The following SOX5 variants were observed in gnomAD, a reference collection of about 807,000 sequenced individuals.
SOX5 encodes transcription factor SOX-5.
A neutral mutation model predicts 92.0 loss-of-function variants in SOX5; 9 were observed. The observed-to-expected ratio is 0.10, with a 90% confidence interval of 0.06 to 0.17. SOX5 has a LOEUF of 0.17. Ranked by LOEUF, SOX5 falls within the 10% of genes least tolerant of loss-of-function variation. SOX5 has a pLI of 1.00. For synonymous variants in SOX5, 344 were observed against 336.3 expected (o/e 1.02, Z -0.25); for missense variants, 642 against 944.5 (o/e 0.68, Z 4.20).
intron 1 of SOX5, among the ~76,000 whole-genome samples, chr12:24,512,262 A>G (rs1266162287): frequency 1.3e-5 from 2 of 152,188 alleles, no homozygotes; most frequent in Admixed American, 6.5e-5. Context: ...AGCTGTCCTA[A>G]AACACGGATA....
intron 2 of SOX5, among the ~76,000 whole-genome samples, chr12:23,867,369 C>T (rs554864418): frequency 1.3e-5 from 2 of 152,106 alleles, no homozygotes; most frequent in Non-Finnish European, 2.9e-5. Flanking sequence ...TTCCCAGTCA[C>T]ACAAGATTTA....
intron 3 of SOX5, among the ~76,000 whole-genome samples, chr12:23,768,204 G>A (rs74069198): frequency 0.045 from 6,904 of 152,152 alleles, 417 homozygotes; most frequent in African/African-American, 0.14. Flanking sequence ...GGATGGATGC[G>A]TCCAATAAAA....
intron 4 of SOX5, among the ~76,000 whole-genome samples, chr12:24,175,360 A>C (rs1954687660): frequency 6.6e-6 from 1 of 152,236 alleles, no homozygotes; most frequent in African/African-American, 2.4e-5. Flanking sequence ...ATACCAAAAA[A>C]GTACGATGGA....
intron 1 of SOX5, among the ~76,000 whole-genome samples, chr12:23,912,591 T>G (rs2097363309): frequency 6.6e-6 from 1 of 152,052 alleles, no homozygotes; most frequent in East Asian, 1.9e-4. Flanking sequence ...AGGCCAAGAA[T>G]CTGTTAAATG....
intron 1 of SOX5, among the ~76,000 whole-genome samples, chr12:24,479,665 A>AT (rs56355919): frequency 0.013 from 1,937 of 149,934 alleles, 42 homozygotes; most frequent in African/African-American, 0.043. Context: ...GTATTTATTC[A>AT]TTTTTTTTTT....
At chr12:24,550,328 T>C (rs947754705) in intron 1 of SOX5, among the ~76,000 whole-genome samples, 2 of 152,166 alleles carry the variant, frequency 1.3e-5, no homozygotes, top group Admixed American at 6.5e-5. Flanking sequence ...CATAAGAAGA[T>C]AGCCACCTAT....
intron 2 of SOX5, among the ~76,000 whole-genome samples, chr12:23,858,069 ATGTGTG>A (rs10553341): frequency 3.3e-5 from 5 of 150,532 alleles, no homozygotes; most frequent in African/African-American, 9.8e-5. Flanking sequence ...ATATGCCTGT[ATGTGTG>A]TGTGTGTGTG....
At chr12:23,975,974 A>G (rs1233229702) in intron 4 of SOX5, among the ~76,000 whole-genome samples, 1 of 152,168 alleles carries the variant, frequency 6.6e-6, no homozygotes, top group Non-Finnish European at 1.5e-5. Context: ...CATATAGTCA[A>G]TATAATTCAT....
chr12:24,184,144 TTAGA>T (rs780693095), intron 4 of SOX5, among the ~76,000 whole-genome samples: 1 of 152,150 alleles, frequency 6.6e-6, no homozygotes, highest in Non-Finnish European at 1.5e-5. Flanking sequence ...AAATGGACAA[TTAGA>T]TAGCCTTACA....
intron 2 of SOX5, among the ~76,000 whole-genome samples, chr12:24,305,411 T>C (rs570483146): frequency 2.0e-5 from 3 of 152,270 alleles, no homozygotes; most frequent in African/African-American, 7.2e-5. Flanking sequence ...CATGAATCAT[T>C]CCTGAAATAT....
chr12:24,124,369 C>T (rs180924491), intron 4 of SOX5, among the ~76,000 whole-genome samples: 13 of 152,186 alleles, frequency 8.5e-5, no homozygotes, highest in Admixed American at 7.2e-4. Flanking sequence ...ACATTTGGAG[C>T]GTGGTTTTTC....
chr12:23,748,490 T>A (rs554673375), intron 4 of SOX5, among the ~76,000 whole-genome samples: 1 of 152,122 alleles, frequency 6.6e-6, no homozygotes, highest in African/African-American at 2.4e-5. Flanking sequence ...ATGAAATAGA[T>A]AAATGGCTTG....
At chr12:24,330,878 A>G (rs764248333) in intron 2 of SOX5, among the ~76,000 whole-genome samples, 1 of 152,232 alleles carries the variant, frequency 6.6e-6, no homozygotes, top group Non-Finnish European at 1.5e-5. Flanking sequence ...TCAAAGAGGG[A>G]GACCATCAAT....
intron 1 of SOX5, among the ~76,000 whole-genome samples, chr12:24,534,477 T>G (rs989535041): frequency 1.3e-5 from 2 of 152,180 alleles, no homozygotes; most frequent in Admixed American, 6.5e-5. Context: ...TACACAGCTT[T>G]TTAAGGAATC....
chr12:24,502,447 A>C (rs1056895792), intron 1 of SOX5, among the ~76,000 whole-genome samples: 2 of 152,224 alleles, frequency 1.3e-5, no homozygotes, highest in Non-Finnish European at 1.5e-5. Flanking sequence ...ATATTCATGA[A>C]TCTACATTGA....
At chr12:23,790,093 A>C (rs890313988) in intron 3 of SOX5, among the ~76,000 whole-genome samples, 3 of 152,182 alleles carry the variant, frequency 2.0e-5, no homozygotes, top group South Asian at 2.1e-4. Context: ...TTCATATAGA[A>C]TGTACCTAAC....
intron 4 of SOX5, among the ~76,000 whole-genome samples, chr12:24,056,497 T>C (rs932620432): frequency 6.6e-6 from 1 of 152,214 alleles, no homozygotes; most frequent in African/African-American, 2.4e-5. Context: ...TGGATATCCA[T>C]GGTTGCTCTA....
intron 2 of SOX5, among the ~76,000 whole-genome samples, chr12:24,363,898 C>CTTTGGG: frequency 6.6e-6 from 1 of 152,298 alleles, no homozygotes; most frequent in South Asian, 2.1e-4. Flanking sequence ...CTGTCACCAA[C>CTTTGGG]CTCAAGCTTT....
chr12:24,326,878 ACT>A (rs1418465871), intron 2 of SOX5, among the ~76,000 whole-genome samples: 6 of 148,766 alleles, frequency 4.0e-5, no homozygotes, highest in Non-Finnish European at 8.9e-5. Flanking sequence ...TCCATCTACC[ACT>A]CTCTGCCTTT....
Sources: allele counts gnomAD v4.1 joint callset (sites outside exome capture counted in the v4.1 genomes callset), GRCh38; gene constraint gnomAD v4.1.1; transcripts MANE v1.5; gene names NCBI Gene and HGNC (gene_info 2026-07-23, HGNC 2026-07-21).